The following GALNT13 variants were observed in gnomAD, a reference collection of about 807,000 sequenced individuals.
GALNT13 encodes polypeptide N-acetylgalactosaminyltransferase 13.
A neutral mutation model predicts 64.2 loss-of-function variants in GALNT13; 28 were observed. The observed-to-expected ratio is 0.44, with a 90% confidence interval of 0.32 to 0.60. The LOEUF (loss-of-function observed/expected upper bound fraction) is 0.60. Ranked by LOEUF, GALNT13 falls within the 20% of genes least tolerant of loss-of-function variation. GALNT13 has a pLI of 0.05. For synonymous variants in GALNT13, 214 were observed against 224.6 expected (o/e 0.95, Z 0.42); for missense variants, 577 against 669.8 (o/e 0.86, Z 1.53).
chr2:154,187,385 C>T (rs1559013073), intron 4 of GALNT13, among the ~76,000 whole-genome samples: 1 of 150,306 alleles, frequency 6.7e-6, no homozygotes. Flanking sequence ...CACACACACA[C>T]ACACACACAC....
chr2:154,160,622 C>T (rs1684675674), intron 4 of GALNT13, among the ~76,000 whole-genome samples: 1 of 151,808 alleles, frequency 6.6e-6, no homozygotes, highest in Non-Finnish European at 1.5e-5. Flanking sequence ...TAACCCAAGG[C>T]ATTACTTCAG....
At chr2:154,318,206 A>G (rs1291628209) in intron 9 of GALNT13, among the ~76,000 whole-genome samples, 1 of 152,140 alleles carries the variant, frequency 6.6e-6, no homozygotes, top group Non-Finnish European at 1.5e-5. Flanking sequence ...TAAGAAGTCA[A>G]GTTCTAAATG....
intron 1 of GALNT13, among the ~76,000 whole-genome samples, chr2:153,875,781 T>A (rs1686323442): frequency 6.6e-6 from 1 of 152,214 alleles, no homozygotes; most frequent in African/African-American, 2.4e-5. Flanking sequence ...TAAATTATAA[T>A]GCTACATATC....
chr2:153,386,747 T>A, the GALNT13 span, among the ~76,000 whole-genome samples: 3 of 152,100 alleles, frequency 2.0e-5, no homozygotes, highest in African/African-American at 7.2e-5. Flanking sequence ...ATTTCACTTA[T>A]AATTGGATAC....
chr2:154,252,360 A>AT (rs34869227), intron 7 of GALNT13, among the ~76,000 whole-genome samples: 38,781 of 144,048 alleles, frequency 0.27, 5,935 homozygotes, highest in Middle Eastern at 0.42. Context: ...TATTATTATT[A>AT]TTTTTTTTTT....
the GALNT13 span, among the ~76,000 whole-genome samples, chr2:153,197,849 G>A: frequency 6.6e-6 from 1 of 152,152 alleles, no homozygotes; most frequent in African/African-American, 2.4e-5. Flanking sequence ...CAAGTGTGCG[G>A]CAGCCTTGCT....
intron 3 of GALNT13, among the ~76,000 whole-genome samples, chr2:154,080,449 A>G (rs187383754): frequency 6.6e-6 from 1 of 151,776 alleles, no homozygotes; most frequent in Admixed American, 6.6e-5. Context: ...CTTGAAATGC[A>G]CGAGGGCAGG....
chr2:154,068,422 T>C (rs191843996), intron 3 of GALNT13, among the ~76,000 whole-genome samples: 2 of 152,060 alleles, frequency 1.3e-5, no homozygotes, highest in African/African-American at 4.8e-5. Context: ...CCCATGTTTA[T>C]TGCAACACTA....
the GALNT13 span, among the ~76,000 whole-genome samples, chr2:153,343,050 GAA>G: frequency 6.6e-6 from 1 of 152,172 alleles, no homozygotes; most frequent in African/African-American, 2.4e-5. Flanking sequence ...ATAACTCCAT[GAA>G]AAGTTTCCTT....
chr2:154,427,420 T>C (rs533122306), intron 11 of GALNT13, among the ~76,000 whole-genome samples: 1 of 152,312 alleles, frequency 6.6e-6, no homozygotes, highest in East Asian at 1.9e-4. Context: ...ATGAAGACTT[T>C]AAGGAGATTA....
chr2:153,647,877 T>C, the GALNT13 span, among the ~76,000 whole-genome samples: 1,347 of 152,296 alleles, frequency 8.8e-3, 18 homozygotes, highest in African/African-American at 0.031. Context: ...AGCCTTGTAG[T>C]GTAGTTTGAA....
chr2:154,094,388 A>T (rs970866052), intron 3 of GALNT13, among the ~76,000 whole-genome samples: 1 of 151,978 alleles, frequency 6.6e-6, no homozygotes, highest in African/African-American at 2.4e-5. Context: ...TCTATCCTTT[A>T]TTACTCCAAA....
At chr2:154,297,156 CCATT>C (rs147174978) in intron 8 of GALNT13, among the ~76,000 whole-genome samples, 6,314 of 152,196 alleles carry the variant, frequency 0.041, 184 homozygotes, top group Non-Finnish European at 0.058. Flanking sequence ...CAATGAGAAA[CCATT>C]CAAGGATTTA....
Position 154,346,274 on chromosome 2 carries a change from A to T in GALNT13, c.1156+44685A>T, listed in dbSNP as rs550722713. Among the ~76,000 whole-genome samples the T allele has an allele frequency of 4.6e-5, 7 of 152,230 alleles. No individual in the cohort carries two copies. In the East Asian group the frequency reaches 1.3e-3, roughly 29 times the overall value. On this transcript the variant is annotated intron_variant, in intron 9 of 12. Coordinates refer to ENST00000392825, the MANE Select transcript of GALNT13 (RefSeq NM_052917.4). The stretch of plus-strand genomic sequence containing the variant: ...AATAAATGCTTTCCAAAACTAAATA[A>T]ATAAAATGCTAGGAAAATGTCAACA...
chr2:153,831,160 G>T, the GALNT13 span, among the ~76,000 whole-genome samples: 1 of 152,068 alleles, frequency 6.6e-6, no homozygotes, highest in African/African-American at 2.4e-5. Flanking sequence ...TAAAACTACT[G>T]TTACTATGCT....
chr2:154,274,342 T>G (rs976878942), intron 8 of GALNT13, among the ~76,000 whole-genome samples: 1 of 152,136 alleles, frequency 6.6e-6, no homozygotes, highest in African/African-American at 2.4e-5. Context: ...AGGGTATATG[T>G]AGTCTTGTGA....
rs1236327956 is a variant in GALNT13 at position 154,154,121 on chromosome 2, A to T, written c.311+13616A>T. Among the ~76,000 whole-genome samples the T allele has an allele frequency of 2.0e-5, 3 of 152,142 alleles. No homozygotes were observed. The East Asian group carries it at 5.8e-4, about 29-fold the overall frequency. The stretch of plus-strand genomic sequence containing the variant: ...TTTCTAATATTTTGTTTTGTTCCCT[A>T]TATTTTTGTTCCATGTGACTTAAGG... On this transcript the variant is annotated intron_variant, in intron 4 of 12. Coordinates refer to ENST00000392825, the MANE Select transcript of GALNT13 (RefSeq NM_052917.4).
chr2:153,644,359 CTTATGTGGCCCTTTCACCATTCAAT>C, the GALNT13 span, among the ~76,000 whole-genome samples: 1 of 151,970 alleles, frequency 6.6e-6, no homozygotes, highest in African/African-American at 2.4e-5. Context: ...AAAATGCATT[CTTATGTGGCCCTTTCACCATTCAAT>C]TTGATTTTGT....
At chr2:153,374,750 C>T in the GALNT13 span, among the ~76,000 whole-genome samples, 5 of 152,098 alleles carry the variant, frequency 3.3e-5, no homozygotes, top group Non-Finnish European at 7.4e-5. Flanking sequence ...CGCTAATCTC[C>T]TCCCTCCATC....
Sources: gnomAD v4.1 joint callset for allele counts (sites outside exome capture counted in the v4.1 genomes callset) on GRCh38, gnomAD v4.1.1 for gene constraint, MANE v1.5 for transcripts, NCBI Gene and HGNC (gene_info 2026-07-23, HGNC 2026-07-21) for gene names.